The following ANKAR variants were observed in gnomAD, a reference collection of about 807,000 sequenced individuals.
ANKAR encodes the protein ankyrin and armadillo repeat containing.
A neutral mutation model predicts 146.2 loss-of-function variants in ANKAR; 136 were observed. The observed-to-expected ratio is 0.93, with a 90% CI of 0.81 to 1.07. The LOEUF is 1.07. Among genes scored for constraint, ANKAR ranks in the 50% least tolerant of loss-of-function variants. The pLI is 0.00. For missense variants in ANKAR, 1,567 were observed against 1,679.9 expected (o/e 0.93, Z 1.18); for synonymous variants, 500 against 575.8 (o/e 0.87, Z 1.88).
intron 5 of ANKAR, 112 bp downstream of exon 5, chr2:189,693,289 C>A: frequency 1.5e-6 from 1 of 663,982 alleles, no homozygotes; most frequent in South Asian, 1.8e-5. Flanking sequence ...AATGGCGATT[C>A]CACAATAATA....
At position 189,676,642 on chromosome 2, in the gene ANKAR, T is replaced by A; in HGVS notation, c.152T>A (p.Leu51Gln). Reference sequence around the variant, plus strand: ...ATACAAGAGTTACTAACTACTGCACTAGTTAGCTGGTTGTCTGCCAAAGAG... The same window carrying A: ...ATACAAGAGTTACTAACTACTGCACAAGTTAGCTGGTTGTCTGCCAAAGAG... ...SEIQELLTTALVSWLSAKEDV... is the reference protein window; with the variant it reads ...SEIQELLTTAQVSWLSAKEDV... The change falls in exon 2 of 23, where the codon CTA becomes CAA. Residue 51 changes from leucine (L) to glutamine (Q), a missense_variant. Transcript: ENST00000684021. The A allele has an allele frequency of 6.2e-7, 1 of 1,614,180 alleles. No individual in the cohort carries two copies. Among genetic ancestry groups the A allele is most frequent in the Non-Finnish European group, 8.5e-7 (1 of 1,180,022 alleles).
At chr2:189,711,759 C>T (rs1002979395) in intron 10 of ANKAR, among the ~76,000 whole-genome samples, 1 of 152,210 alleles carries the variant, frequency 6.6e-6, no homozygotes, top group Non-Finnish European at 1.5e-5. Flanking sequence ...ACAGTGGGTA[C>T]AGCCCATGGG....
At chr2:189,718,140 A>G (rs2040745936) in intron 10 of ANKAR, among the ~76,000 whole-genome samples, 1 of 152,240 alleles carries the variant, frequency 6.6e-6, no homozygotes, top group Non-Finnish European at 1.5e-5. Flanking sequence ...AGCACTGTCC[A>G]GAATAACTTT....
chr2:189,741,580 A>T lies in ANKAR; in HGVS notation c.3810+129A>T, dbSNP rs2043334538. 3 of 520,120 alleles carry T rather than the reference A, an allele frequency of 5.8e-6. No homozygotes were observed. The East Asian group carries it at 1.1e-4, about 18-fold the overall frequency. 32.2% of individuals were successfully genotyped at this position (520,120 alleles called of 1,614,324 possible). A position where few individuals can be genotyped will look rare whatever the true frequency, so the allele number is the denominator to read the frequency against. ...ATAATATAATTCTTATTACTAACTC[A>T]AAATTACATGACTGTGTTATATATA... On this transcript the variant is annotated intron_variant, in intron 20 of 22. Transcript: ENST00000684021.
downstream of ANKAR, among the ~76,000 whole-genome samples, chr2:189,751,295 G>T (rs2045158637): frequency 6.6e-6 from 1 of 152,126 alleles, no homozygotes; most frequent in Non-Finnish European, 1.5e-5. Context: ...GGGCATAACT[G>T]AATCAGAGGA....
chr2:189,693,236 A>G, intron 5 of ANKAR, 59 bp downstream of exon 5: 4 of 1,097,208 alleles, frequency 3.6e-6, no homozygotes, highest in East Asian at 2.4e-5. Context: ...TTAGTAGAGA[A>G]CAAAGAAAAT....
At chr2:189,743,540 G>GT in intron 21 of ANKAR, 66 bp downstream of exon 21, 1 of 1,397,734 alleles carries the variant, frequency 7.2e-7, no homozygotes, top group Non-Finnish European at 9.9e-7. Flanking sequence ...ATGAGGTTTA[G>GT]TAAGATCCAA....
downstream of ANKAR, chr2:189,761,612 A>C (rs1181921454): frequency 6.2e-7 from 1 of 1,605,198 alleles, no homozygotes; most frequent in Admixed American, 1.7e-5. Context: ...TTTAAAAAAA[A>C]CTCCTGCAGT....
chr2:189,755,486 A>G (rs778494248), intron 18 of ANKAR: 20 of 1,604,662 alleles, frequency 1.2e-5, no homozygotes, highest in South Asian at 3.4e-5. Flanking sequence ...ACTGGCAGAA[A>G]GAGCTTCTTG....
At chr2:189,685,167 A>G (rs2035367499) in intron 2 of ANKAR, among the ~76,000 whole-genome samples, 1 of 151,896 alleles carries the variant, frequency 6.6e-6, no homozygotes, top group South Asian at 2.1e-4. Flanking sequence ...CACCATGCCC[A>G]GCTAATTTTT....
At chr2:189,711,882 T>A (rs954504521) in intron 10 of ANKAR, among the ~76,000 whole-genome samples, 2 of 152,224 alleles carry the variant, frequency 1.3e-5, no homozygotes, top group African/African-American at 4.8e-5. Context: ...AAACGGGGCA[T>A]TCATGCCCAA....
At chr2:189,675,427 A>C (rs2033416361) in intron 1 of ANKAR, among the ~76,000 whole-genome samples, 1 of 150,660 alleles carries the variant, frequency 6.6e-6, no homozygotes, top group Non-Finnish European at 1.5e-5. Flanking sequence ...TGCCCAGGCC[A>C]CCGCAACCTC....
chr2:189,709,740 T>C (rs2039443608), intron 9 of ANKAR, among the ~76,000 whole-genome samples: 2 of 152,216 alleles, frequency 1.3e-5, no homozygotes, highest in Non-Finnish European at 2.9e-5. Flanking sequence ...CCAAGAGATA[T>C]TGGAAAGTGT....
intron 12 of ANKAR, among the ~76,000 whole-genome samples, chr2:189,726,111 T>C (rs1200827088): frequency 6.6e-5 from 10 of 152,144 alleles, no homozygotes; most frequent in African/African-American, 2.2e-4. Context: ...ATAGTAAAGA[T>C]TGGTTCAGGC....
At chr2:189,732,717 CAGT>C (rs1292850465) in intron 16 of ANKAR, among the ~76,000 whole-genome samples, 1 of 144,966 alleles carries the variant, frequency 6.9e-6, no homozygotes, top group African/African-American at 2.5e-5. Context: ...ACTCAATGGT[CAGT>C]AGTTAACAAG....
At chr2:189,705,361 A>G in intron 8 of ANKAR, 137 bp downstream of exon 8, 1 of 858,078 alleles carries the variant, frequency 1.2e-6, no homozygotes, top group East Asian at 2.7e-5. Flanking sequence ...AAAAGGTGAT[A>G]GGTGTGGGTG....
intron 18 of ANKAR, among the ~76,000 whole-genome samples, chr2:189,757,087 A>G (rs899970382): frequency 1.3e-5 from 2 of 152,198 alleles, no homozygotes; most frequent in African/African-American, 4.8e-5. Context: ...ATTTTTGTCT[A>G]TGATTTGTAG....
rs1268376630 is a variant in ANKAR at position 189,696,340 on chromosome 2, A to G, written c.1679A>G (p.Asn560Ser). ...CTGTGCAATGCTAACTTCAAGGTCA[A>G]CCAGAGGCGCTTTGTTACGTTCAGC... ...CQLCNANFKV[N>S]QRRFVTFSQG... The change falls in exon 7 of 23, where the codon AAC becomes AGC. Residue 560 changes from asparagine to serine, a missense_variant. Physicochemically the swap from Asn to Ser is conservative, Grantham distance 46 (BLOSUM62 1). Coordinates refer to ENST00000684021, the MANE Select transcript of ANKAR (RefSeq NM_001378068.1). 1 of 1,613,870 alleles carries G rather than the reference A, an allele frequency of 6.2e-7. No homozygotes were observed. The highest frequency in any genetic ancestry group is 8.5e-7 in the Non-Finnish European group (1 of 1,179,948).
intron 2 of ANKAR, among the ~76,000 whole-genome samples, chr2:189,680,863 T>A (rs1303826204): frequency 6.6e-6 from 1 of 152,166 alleles, no homozygotes; most frequent in Non-Finnish European, 1.5e-5. Context: ...ATGATCTATC[T>A]TGGAGAATGT....
Sources: gnomAD v4.1 joint callset for allele counts (sites outside exome capture counted in the v4.1 genomes callset) on GRCh38, gnomAD v4.1.1 for gene constraint, MANE v1.5 for transcripts, NCBI Gene and HGNC (gene_info 2026-07-23, HGNC 2026-07-21) for gene names.